HPSE2: variants seen among roughly 807,000 people sequenced by gnomAD.
The protein encoded by HPSE2 is heparanase 2 (inactive).
In HPSE2, 38 loss-of-function variants were observed where a neutral mutation model predicts 60.5. That is an observed-to-expected ratio of 0.63 (90% CI 0.48 to 0.82). The LOEUF (loss-of-function observed/expected upper bound fraction) is 0.82. Among genes scored for constraint, HPSE2 ranks in the 40% least tolerant of loss-of-function variants. The pLI, the probability that HPSE2 is intolerant of heterozygous loss-of-function variation, is 0.00. For synonymous variants in HPSE2, 295 were observed against 293.2 expected (o/e 1.01, Z -0.06); for missense variants, 713 against 740.4 (o/e 0.96, Z 0.43).
Position 98,912,309 on chromosome 10 carries a change from T to C in HPSE2, c.611-168253A>G, listed in dbSNP as rs17110998. On this transcript the variant is annotated intron_variant, in intron 3 of 11. Transcript: ENST00000370552. ...CTAGTAGAACAGAATCTTCCAGCAA[T>C]GTCATTTGGTGTGAATGTAGGTCTC... 4.7e-4 allele frequency among the ~76,000 whole-genome samples: 71 copies of C among 152,328 alleles called. 1 individual carries two copies. The East Asian group carries it at 0.013, about 29-fold the overall frequency.
chr10:98,656,778 T>TGG (rs763080464), intron 6 of HPSE2, among the ~76,000 whole-genome samples: 7 of 149,666 alleles, frequency 4.7e-5, no homozygotes, highest in Non-Finnish European at 3.0e-5. Context: ...TTTTTTTTTT[T>TGG]GGGATGGAGT....
chr10:98,759,992 A>G (rs1011521497), intron 3 of HPSE2, among the ~76,000 whole-genome samples: 3 of 151,932 alleles, frequency 2.0e-5, no homozygotes, highest in Admixed American at 6.6e-5. Flanking sequence ...TTAGTATGCA[A>G]ATCTTTCACT....
chr10:99,166,134 A>G (rs111514918), intron 2 of HPSE2, among the ~76,000 whole-genome samples: 2,547 of 54,512 alleles, frequency 0.047, 103 homozygotes, highest in East Asian at 0.32. Context: ...GTTGTGAATC[A>G]ATAGTTAATT....
At chr10:99,178,201 T>G (rs768682725) in intron 2 of HPSE2, among the ~76,000 whole-genome samples, 2 of 150,930 alleles carry the variant, frequency 1.3e-5, no homozygotes, top group Non-Finnish European at 3.0e-5. Flanking sequence ...ACATCACAAT[T>G]AAAAGAACTA....
chr10:99,230,093 T>G (rs1849595656), intron 2 of HPSE2, among the ~76,000 whole-genome samples: 1 of 152,210 alleles, frequency 6.6e-6, no homozygotes, highest in Admixed American at 6.5e-5. Flanking sequence ...CAGAGCATCT[T>G]ATTACTAGGA....
intron 9 of HPSE2, among the ~76,000 whole-genome samples, chr10:98,573,905 C>T (rs1471578380): frequency 1.3e-5 from 2 of 152,078 alleles, no homozygotes; most frequent in Non-Finnish European, 2.9e-5. Context: ...AATTCACATT[C>T]CATGTAATTC....
In HPSE2 at chr10:98,933,983, C is replaced by T. The variant is rs1358797218; in HGVS notation, c.611-189927G>A. 2.8e-5 allele frequency among the ~76,000 whole-genome samples: 4 copies of T among 143,536 alleles called. 1 individual carries two copies. Among genetic ancestry groups the T allele is most frequent in the Admixed American group, 1.4e-4 (2 of 14,448 alleles). 94.2% of individuals were successfully genotyped at this position (143,536 alleles called of 152,430 possible). On this transcript the variant is annotated intron_variant, in intron 3 of 11. Coordinates refer to ENST00000370552, the MANE Select transcript of HPSE2 (RefSeq NM_021828.5). Reference sequence around the variant, plus strand: ...TCCTGACCTTGTGATCTGCCCACCTCGGCCTCCCAAAGTGCTGAGATTACA... The same window carrying T: ...TCCTGACCTTGTGATCTGCCCACCTTGGCCTCCCAAAGTGCTGAGATTACA...
the HPSE2 span, among the ~76,000 whole-genome samples, chr10:99,257,393 A>T: frequency 6.6e-6 from 1 of 152,208 alleles, no homozygotes; most frequent in East Asian, 1.9e-4. Flanking sequence ...AGCAAGGAAC[A>T]TCCCTGAGAA....
chr10:98,736,730 C>A (rs1949367168), intron 4 of HPSE2, among the ~76,000 whole-genome samples: 1 of 152,142 alleles, frequency 6.6e-6, no homozygotes, highest in Non-Finnish European at 1.5e-5. Flanking sequence ...TTAAGTTTAT[C>A]CTAACTTTAC....
At chr10:99,079,359 G>A (rs1052133738) in intron 3 of HPSE2, among the ~76,000 whole-genome samples, 1 of 152,094 alleles carries the variant, frequency 6.6e-6, no homozygotes, top group Admixed American at 6.5e-5. Context: ...CTCCACCTCG[G>A]TTCTCACTGG....
chr10:99,160,398 G>A (rs1231197087), intron 2 of HPSE2, among the ~76,000 whole-genome samples: 1 of 152,106 alleles, frequency 6.6e-6, no homozygotes, highest in Non-Finnish European at 1.5e-5. Context: ...CACTAGAATA[G>A]TTATAACCCA....
At chr10:98,782,945 T>TTTA (rs1950513776) in intron 3 of HPSE2, among the ~76,000 whole-genome samples, 1 of 138,952 alleles carries the variant, frequency 7.2e-6, no homozygotes, top group Non-Finnish European at 1.6e-5. Flanking sequence ...TTTAATGTTT[T>TTTA]TTTTTTTATT....
At chr10:99,058,111 T>C (rs1265492732) in intron 3 of HPSE2, among the ~76,000 whole-genome samples, 1 of 152,050 alleles carries the variant, frequency 6.6e-6, no homozygotes, top group Non-Finnish European at 1.5e-5. Context: ...GCATGACAAA[T>C]GGGCAGCACA....
chr10:98,691,038 C>T (rs1565082750), intron 6 of HPSE2, among the ~76,000 whole-genome samples: 1 of 152,114 alleles, frequency 6.6e-6, no homozygotes, highest in African/African-American at 2.4e-5. Context: ...CTCCCCCAGC[C>T]TTTTTTTACT....
intron 3 of HPSE2, among the ~76,000 whole-genome samples, chr10:99,109,843 AC>A (rs996761663): frequency 1.3e-5 from 2 of 152,214 alleles, no homozygotes. Context: ...AAAGTAGTAA[AC>A]AAAAATGTTT....
intron 3 of HPSE2, among the ~76,000 whole-genome samples, chr10:99,139,341 T>C (rs1845779786): frequency 1.3e-5 from 2 of 152,120 alleles, no homozygotes; most frequent in Admixed American, 6.6e-5. Context: ...GAATGTACAC[T>C]ACTCAAGTGA....
chr10:99,080,131 C>T (rs1369114948), intron 3 of HPSE2, among the ~76,000 whole-genome samples: 1 of 152,130 alleles, frequency 6.6e-6, no homozygotes, highest in Non-Finnish European at 1.5e-5. Context: ...CCATGTTTTG[C>T]TGTTAAACAG....
chr10:98,555,781 C>G (rs963730329), intron 9 of HPSE2, among the ~76,000 whole-genome samples: 5 of 152,122 alleles, frequency 3.3e-5, no homozygotes, highest in Non-Finnish European at 7.3e-5. Flanking sequence ...TCTTTCGAAA[C>G]CAATTTGACA....
At chr10:98,909,078 A>C (rs1393467974) in intron 3 of HPSE2, among the ~76,000 whole-genome samples, 1 of 152,270 alleles carries the variant, frequency 6.6e-6, no homozygotes, top group East Asian at 1.9e-4. Flanking sequence ...GGTAACTTTG[A>C]GGCAACAAAA....
Sources: allele counts gnomAD v4.1 joint callset (sites outside exome capture counted in the v4.1 genomes callset), GRCh38; gene constraint gnomAD v4.1.1; transcripts MANE v1.5; gene names NCBI Gene and HGNC (gene_info 2026-07-23, HGNC 2026-07-21).